The following KIAA1217 variants were observed in gnomAD, a reference collection of about 807,000 sequenced individuals.
The protein encoded by KIAA1217 is sickle tail protein homolog.
Under a neutral mutation model 163.9 loss-of-function variants are expected in KIAA1217, and 88 were observed. The observed-to-expected ratio is 0.54, with a 90% CI of 0.45 to 0.64. KIAA1217 has a LOEUF of 0.64. KIAA1217 is among the 30% of genes least tolerant of loss of function. The probability of loss-of-function intolerance (pLI) is 0.00; values close to 1 mark genes in which losing one functional copy is unlikely to be tolerated. For synonymous variants in KIAA1217, 903 were observed against 923.1 expected (o/e 0.98, Z 0.39); for missense variants, 2,372 against 2,475.0 (o/e 0.96, Z 0.88).
intron 1 of KIAA1217, among the ~76,000 whole-genome samples, chr10:24,000,184 A>G (rs995829823): frequency 2.4e-4 from 36 of 152,338 alleles, no homozygotes; most frequent in African/African-American, 8.7e-4. Flanking sequence ...GTATACCTTT[A>G]TATAACTAGC....
rs140696455 is a variant in KIAA1217 at position 23,865,601 on chromosome 10, CT to C, written c.-320-141615del. On this transcript the variant is annotated intron_variant, in intron 1 of 18. Coordinates refer to the KIAA1217 transcript ENST00000376462. Reference sequence around the variant, plus strand: ...AACTTCCTTTTATAATCCAAACTGCCTTTTTTTTTATAGCTTTAGAGGTGCT... The same window carrying C: ...AACTTCCTTTTATAATCCAAACTGCCTTTTTTTTATAGCTTTAGAGGTGCT... Among the ~76,000 whole-genome samples the C allele has an allele frequency of 3.8e-3, 580 of 151,006 alleles. 3 individuals carry two copies. The highest frequency in any genetic ancestry group is 0.013 in the African/African-American group (525 of 41,218).
intron 1 of KIAA1217, among the ~76,000 whole-genome samples, chr10:23,723,019 C>T (rs1837950847): frequency 6.6e-6 from 1 of 152,170 alleles, no homozygotes; most frequent in Non-Finnish European, 1.5e-5. Flanking sequence ...TCAGACAGCC[C>T]TTCAATAGGT....
chr10:24,223,570 A>T (rs1375357662), intron 2 of KIAA1217, among the ~76,000 whole-genome samples: 1 of 152,144 alleles, frequency 6.6e-6, no homozygotes, highest in Non-Finnish European at 1.5e-5. Flanking sequence ...TTAATACCAG[A>T]TGCTCTTCTG....
intron 2 of KIAA1217, among the ~76,000 whole-genome samples, chr10:24,041,800 G>T (rs1848645069): frequency 6.6e-6 from 1 of 152,184 alleles, no homozygotes; most frequent in African/African-American, 2.4e-5. Context: ...CCTGGAAACT[G>T]AACGTGGTAT....
intron 1 of KIAA1217, among the ~76,000 whole-genome samples, chr10:23,737,437 C>A (rs1328703779): frequency 6.6e-6 from 1 of 151,832 alleles, no homozygotes; most frequent in Non-Finnish European, 1.5e-5. Flanking sequence ...TAGTGATCTG[C>A]CCACCTCAGC....
At chr10:24,373,709 T>G (rs1240887919) in intron 2 of KIAA1217, among the ~76,000 whole-genome samples, 1 of 152,184 alleles carries the variant, frequency 6.6e-6, no homozygotes, top group Non-Finnish European at 1.5e-5. Flanking sequence ...AGAGGTGTCC[T>G]TGTCATTTGT....
chr10:24,428,449 G>A (rs115858990), intron 3 of KIAA1217, among the ~76,000 whole-genome samples: 1,662 of 152,256 alleles, frequency 0.011, 27 homozygotes, highest in African/African-American at 0.038. Context: ...GGGACATGGA[G>A]CCCTTATGCC....
chr10:24,308,689 T>A (rs185052252), intron 2 of KIAA1217, among the ~76,000 whole-genome samples: 128 of 152,312 alleles, frequency 8.4e-4, no homozygotes, highest in Middle Eastern at 3.4e-3. Flanking sequence ...CTTGTTATTC[T>A]CCCTAAGAAG....
At chr10:24,150,688 A>G (rs1053707666) in intron 2 of KIAA1217, among the ~76,000 whole-genome samples, 4 of 152,204 alleles carry the variant, frequency 2.6e-5, no homozygotes, top group Non-Finnish European at 5.9e-5. Context: ...AGCCAAGGAC[A>G]CATCAGCATC....
chr10:24,161,234 T>C (rs1378166333), intron 2 of KIAA1217, among the ~76,000 whole-genome samples: 4 of 152,204 alleles, frequency 2.6e-5, no homozygotes, highest in Non-Finnish European at 5.9e-5. Context: ...TCCTTCGCCA[T>C]AAAATGTTAA....
intron 1 of KIAA1217, among the ~76,000 whole-genome samples, chr10:23,839,562 T>G (rs1243390657): frequency 6.6e-6 from 1 of 152,196 alleles, no homozygotes; most frequent in East Asian, 1.9e-4. Context: ...TTCTATTTCC[T>G]GAGGCTGGTG....
At chr10:24,336,243 T>A (rs2133702154) in intron 2 of KIAA1217, among the ~76,000 whole-genome samples, 2 of 152,258 alleles carry the variant, frequency 1.3e-5, no homozygotes. Context: ...ACCCCATCTC[T>A]AATTAATTAA....
intron 2 of KIAA1217, among the ~76,000 whole-genome samples, chr10:24,377,794 A>G (rs1158550468): frequency 1.3e-5 from 2 of 152,216 alleles, no homozygotes; most frequent in Non-Finnish European, 1.5e-5. Context: ...CATGGTTCTT[A>G]CTAATATGAA....
At chr10:24,321,057 C>A (rs12357233) in intron 2 of KIAA1217, among the ~76,000 whole-genome samples, 31 of 149,148 alleles carry the variant, frequency 2.1e-4, no homozygotes, top group African/African-American at 6.2e-4. Context: ...AAAAAAAAAA[C>A]AAAAAAAATG....
chr10:24,188,734 A>G (rs1037027287), intron 2 of KIAA1217, among the ~76,000 whole-genome samples: 2 of 152,136 alleles, frequency 1.3e-5, no homozygotes, highest in African/African-American at 4.8e-5. Flanking sequence ...TTGTTAGTTC[A>G]TTCCTCCCAA....
At chr10:24,234,675 A>T (rs1156656677) in intron 2 of KIAA1217, among the ~76,000 whole-genome samples, 4 of 151,534 alleles carry the variant, frequency 2.6e-5, no homozygotes, top group Non-Finnish European at 4.4e-5. Context: ...AAAAAAAAAA[A>T]AAAAGAAACT....
At chr10:23,970,288 A>G (rs533304841) in intron 1 of KIAA1217, among the ~76,000 whole-genome samples, 2 of 152,342 alleles carry the variant, frequency 1.3e-5, no homozygotes, top group African/African-American at 4.8e-5. Flanking sequence ...TATGTTCTAT[A>G]ATCAAATATG....
intron 1 of KIAA1217, among the ~76,000 whole-genome samples, chr10:23,821,303 C>T (rs1464610148): frequency 6.6e-6 from 1 of 152,136 alleles, no homozygotes; most frequent in Non-Finnish European, 1.5e-5. Flanking sequence ...CCAACAGGGT[C>T]ATGATGGTTC....
intron 1 of KIAA1217, among the ~76,000 whole-genome samples, chr10:23,912,561 C>T (rs1842480908): frequency 1.3e-5 from 2 of 152,050 alleles, no homozygotes; most frequent in Admixed American, 1.3e-4. Context: ...TTAGCTCCCA[C>T]TTACAAGTAA....
Sources: allele counts gnomAD v4.1 joint callset (sites outside exome capture counted in the v4.1 genomes callset), GRCh38; gene constraint gnomAD v4.1.1; transcripts MANE v1.5; gene names NCBI Gene and HGNC (gene_info 2026-07-23, HGNC 2026-07-21).